The following FBXW9 variants were observed in gnomAD, a reference collection of about 807,000 sequenced individuals.
FBXW9 encodes F-box/WD repeat-containing protein 9.
In FBXW9, 38 loss-of-function variants were observed where a neutral mutation model predicts 55.8. The ratio of observed to expected loss-of-function variants is 0.68; its 90% confidence interval spans 0.53 to 0.89. FBXW9 has a LOEUF of 0.89. Ranked by LOEUF, FBXW9 falls within the 40% of genes least tolerant of loss-of-function variation. The pLI is 0.00. For missense variants in FBXW9, 590 were observed against 619.4 expected (o/e 0.95, Z 0.50); for synonymous variants, 289 against 278.2 (o/e 1.04, Z -0.38).
Position 12,691,470 on chromosome 19 carries a change from A to G in FBXW9, c.679-16T>C. On this transcript the variant is annotated splice_polypyrimidine_tract_variant and intron_variant, in intron 3 of 9. Transcript: ENST00000393261. ...ACACCCAGCCCTGCAGGACAGGAGC[A>G]GCAGTCACACACCTGCCACAGCCCA... 4 of 1,548,516 alleles carry G rather than the reference A, an allele frequency of 2.6e-6. No homozygotes were observed. Among genetic ancestry groups the G allele is most frequent in the Non-Finnish European group, 3.5e-6 (4 of 1,146,914 alleles).
Position 12,689,300 on chromosome 19 carries a change from G to A in FBXW9, c.1303-10C>T. Reference sequence around the variant, plus strand: ...TGCCCTCAGCACAGACCTGGGAAGGGGGAGGAACATGAGGAGTCAGGGACG... The same window carrying A: ...TGCCCTCAGCACAGACCTGGGAAGGAGGAGGAACATGAGGAGTCAGGGACG... On this transcript the variant is annotated splice_polypyrimidine_tract_variant and intron_variant, in intron 9 of 9. Transcript: ENST00000393261. The surrounding 1 kb of genome is among the most constrained non-coding windows in gnomAD (Gnocchi z 5.9). 1 of 1,614,240 alleles carries A rather than the reference G, an allele frequency of 6.2e-7. No individual in the cohort carries two copies.
intron 3 of FBXW9, 131 bp from the exon 4 acceptor site, chr19:12,691,585 C>T (rs1451352724): frequency 1.4e-6 from 1 of 701,864 alleles, no homozygotes; most frequent in Non-Finnish European, 2.4e-6. Context: ...CTCTTCCTCC[C>T]CAGTGCCCAT....
rs553283057 is a variant in FBXW9, at chr19:12,690,450, T to G, written c.884-340A>C. On this transcript the variant is annotated intron_variant, in intron 5 of 9. Coordinates refer to ENST00000393261, the MANE Select transcript of FBXW9 (RefSeq NM_032301.3). ...CCCGCAGCCCCGCTCCAGCTCTGCC[T>G]GGACAAGGTACACTGGCCCTTCAAT... Among the ~76,000 whole-genome samples, 26 of 152,260 alleles carry G rather than the reference T, an allele frequency of 1.7e-4. No homozygotes were observed. In the East Asian group the frequency reaches 5.0e-3, roughly 29 times the overall value.
intron 3 of FBXW9, among the ~76,000 whole-genome samples, chr19:12,692,887 A>C (rs1009866565): frequency 6.6e-6 from 1 of 152,204 alleles, no homozygotes; most frequent in Admixed American, 6.5e-5. Context: ...GTTTGAAGCC[A>C]CATGACAAGT....
In FBXW9 at chr19:12,691,430, G is replaced by A; in HGVS notation, c.703C>T (p.Gln235Ter). ...HEGWVWSLAA[Q>*]DHRVCSGSWD... ...GAGCCGGAGCACACGCGGTGGTCCTGCGCTGCCAGTGACCACACCCAGCCC... is the reference window on the plus strand; with the variant it reads ...GAGCCGGAGCACACGCGGTGGTCCTACGCTGCCAGTGACCACACCCAGCCC... Residue 235 changes from glutamine to a stop codon, truncating the protein, a stop_gained, in exon 4 of 10, where the codon CAG (glutamine) becomes TAG (stop). Transcript: ENST00000393261. LOFTEE classifies it high-confidence loss of function. 1 of 1,589,562 alleles carries A rather than the reference G, an allele frequency of 6.3e-7. No homozygotes were observed. The highest frequency in any genetic ancestry group is 1.1e-5 in the South Asian group (1 of 88,374).
chr19:12,695,465 G>A (rs923012820), intron 1 of FBXW9, among the ~76,000 whole-genome samples: 1 of 152,162 alleles, frequency 6.6e-6, no homozygotes, highest in Non-Finnish European at 1.5e-5. Context: ...GTCTGACCTG[G>A]GGGTTGGATG....
chr19:12,689,971 C>T lies in FBXW9; in HGVS notation c.1023G>A (p.Gln341=). ...VVDRRANSVL[Q]RLQLDSYLLC... ...CCTGGGGAGGGCCCACCTGCAGACG[C>T]TGCAGGACGCTGTTGGCTCGGCGGT... Residue 341 remains glutamine, a synonymous_variant, in exon 6 of 10, where the codon CAG becomes CAA. Transcript: ENST00000393261. The surrounding 1 kb of genome is among the most constrained non-coding windows in gnomAD (Gnocchi z 5.9). The T allele has an allele frequency of 6.2e-7, 1 of 1,614,026 alleles. No individual in the cohort carries two copies. Among genetic ancestry groups the T allele is most frequent in the Non-Finnish European group, 8.5e-7 (1 of 1,180,026 alleles).
Position 12,689,923 on chromosome 19 carries a change from A to G in FBXW9, c.1032+39T>C. 6.2e-7 allele frequency: 1 copy of G among 1,612,436 alleles called. No individual in the cohort carries two copies. Among genetic ancestry groups the G allele is most frequent in the Non-Finnish European group, 8.5e-7 (1 of 1,178,644 alleles). The stretch of plus-strand genomic sequence containing the variant: ...ACAGCTCAGGCCGGGCTGGGCCTGC[A>G]ACAGTCCCCATCCCTCCAGGCCCCT... On this transcript the variant is annotated intron_variant, in intron 6 of 9. Transcript: ENST00000393261. This position sits in a 1 kb window ranked among gnomAD's most constrained non-coding sequence, Gnocchi z 5.9.
At chr19:12,691,654 T>A (rs2025011023) in intron 3 of FBXW9, among the ~76,000 whole-genome samples, 200 bp from the exon 4 acceptor site, 1 of 152,184 alleles carries the variant, frequency 6.6e-6, no homozygotes, top group Admixed American at 6.6e-5. Flanking sequence ...ATCACCCCCA[T>A]TGCATAGATG....
At position 12,694,643 on chromosome 19, in the gene FBXW9, T is replaced by A. The variant is rs755139085; in HGVS notation, c.629A>T (p.Asn210Ile). 1.9e-6 allele frequency: 3 copies of A among 1,614,116 alleles called. No individual in the cohort carries two copies. Among genetic ancestry groups the A allele is most frequent in the Non-Finnish European group, 2.5e-6 (3 of 1,180,054 alleles). ...WDLRQLGTES[N>I]QVLIKTLGTK... ...GCCTAAGGTCTTGATCAGAACCTGGTTGGACTCCGTCCCCAGCTGCCGCAG... is the reference window on the plus strand; with the variant it reads ...GCCTAAGGTCTTGATCAGAACCTGGATGGACTCCGTCCCCAGCTGCCGCAG... Residue 210 changes from asparagine (N) to isoleucine (I), a missense_variant, in exon 3 of 10, where the codon AAC (asparagine) becomes ATC (isoleucine). Transcript: ENST00000393261.
chr19:12,689,851 C>G lies in FBXW9; in HGVS notation c.1056G>C (p.Met352Ile). ...RLQLDSYLLCMSYQEPQLWAG... is the reference protein window; with the variant it reads ...RLQLDSYLLCISYQEPQLWAG... ...CCCAGAGCTGGGGTTCCTGGTAGGACATGCAGAGCAGGTAGGAGTCCAGCT... is the reference window on the plus strand; with the variant it reads ...CCCAGAGCTGGGGTTCCTGGTAGGAGATGCAGAGCAGGTAGGAGTCCAGCT... Residue 352 changes from methionine to isoleucine, a missense_variant, in exon 7 of 10, where the codon ATG (methionine) becomes ATC (isoleucine). Met to Ile is a conservative substitution (Grantham distance 10). Coordinates refer to ENST00000393261, the MANE Select transcript of FBXW9 (RefSeq NM_032301.3). This position sits in a 1 kb window ranked among gnomAD's most constrained non-coding sequence, Gnocchi z 5.9. 6.2e-7 allele frequency: 1 copy of G among 1,614,102 alleles called. No individual in the cohort carries two copies. Among genetic ancestry groups the G allele is most frequent in the Non-Finnish European group, 8.5e-7 (1 of 1,180,010 alleles).
intron 3 of FBXW9, among the ~76,000 whole-genome samples, chr19:12,691,814 G>T (rs1450438895): frequency 6.6e-6 from 1 of 152,050 alleles, no homozygotes; most frequent in Non-Finnish European, 1.5e-5. Flanking sequence ...GGAGTGCAGT[G>T]GCTTGATCTT....
At chr19:12,692,525 C>CTT (rs35134914) in intron 3 of FBXW9, among the ~76,000 whole-genome samples, 13,623 of 128,508 alleles carry the variant, frequency 0.11, 1,965 homozygotes, top group African/African-American at 0.33. Flanking sequence ...TGCATCCGGT[C>CTT]TTTTTTTTTT....
At position 12,691,263 on chromosome 19, in the gene FBXW9, G is replaced by A. The variant is rs772136735; in HGVS notation, c.792-6C>T. On this transcript the variant is annotated splice_polypyrimidine_tract_variant and splice_region_variant and intron_variant, in intron 4 of 9. Coordinates refer to ENST00000393261, the MANE Select transcript of FBXW9 (RefSeq NM_032301.3). ...ACAGCACGGCTGAGCTGGCCCTAGG[G>A]ACACACAGACCACAGGGCTTTGGCT... 6.2e-7 allele frequency: 1 copy of A among 1,614,120 alleles called. No homozygotes were observed. Among genetic ancestry groups the A allele is most frequent in the South Asian group, 1.1e-5 (1 of 91,082 alleles).
At chr19:12,691,549 CAA>C in intron 3 of FBXW9, 95 bp from the exon 4 acceptor site, 1 of 1,028,536 alleles carries the variant, frequency 9.7e-7, no homozygotes, top group African/African-American at 1.6e-5. Context: ...TCAGAGAGGT[CAA>C]GAGACTCACC....
chr19:12,689,011 C>T lies in FBXW9; in HGVS notation c.*205G>A, dbSNP rs1390269717. ...AAAACCAGGGCCCAAGAGTGGGAAG[C>T]GGCCCCCTGGGTGGGCCTGAACCCC... is the stretch of plus-strand genomic sequence containing the variant. On this transcript the variant is annotated 3_prime_UTR_variant, in exon 10 of 10. Transcript: ENST00000393261. This position sits in a 1 kb window ranked among gnomAD's most constrained non-coding sequence, Gnocchi z 5.9. The T allele has an allele frequency of 1.4e-5, 10 of 698,634 alleles. No homozygotes were observed. The highest frequency in any genetic ancestry group is 2.4e-5 in the Non-Finnish European group (9 of 382,586). 43.3% of individuals were successfully genotyped at this position (698,634 alleles called of 1,614,324 possible).
rs777566436 is a variant in FBXW9 at position 12,690,162 on chromosome 19, C to T, written c.884-52G>A. ...GGGATATCAGAGCCCCTCGAAGGCC[C>T]CCCCCAGCCCATGAGAGCATCCCGG... On this transcript the variant is annotated intron_variant, in intron 5 of 9. Transcript: ENST00000393261. 14 of 1,609,200 alleles carry T rather than the reference C, an allele frequency of 8.7e-6. No homozygotes were observed. The African/African-American group carries it at 1.1e-4, about 12-fold the overall frequency.
At position 12,696,531 on chromosome 19, in the gene FBXW9, G is replaced by A; in HGVS notation, c.51C>T (p.Asp17=). 6.2e-7 allele frequency: 1 copy of A among 1,612,638 alleles called. No individual in the cohort carries two copies. The highest frequency in any genetic ancestry group is 1.1e-5 in the South Asian group (1 of 91,078). The change falls in exon 1 of 10, where the codon GAC becomes GAT. Residue 17 remains aspartate (D), a synonymous_variant. Coordinates refer to ENST00000393261, the MANE Select transcript of FBXW9 (RefSeq NM_032301.3). ...RCDDSRTWDD[D]SDPESETDPD... ...GGTCTGTCTCTGACTCTGGGTCCGA[G>A]TCATCGTCCCAGGTGCGGGAATCAT...
rs1404173124 is a variant in FBXW9 at position 12,696,190 on chromosome 19, GGCGCGCGTACGCGGCGTA to G, written c.374_391del (p.Leu125_Ala130del). Reference sequence around the variant, plus strand: ...CCGCGCACCTTCCACCACTGGGTAGGGCGCGCGTACGCGGCGTAGCGCGCGTAGCCTCCAGGTGACATG... The same window carrying G: ...CCGCGCACCTTCCACCACTGGGTAGGGCGCGCGTAGCCTCCAGGTGACATG... On this transcript the variant is annotated inframe_deletion, in exon 1 of 10. Coordinates refer to ENST00000393261, the MANE Select transcript of FBXW9 (RefSeq NM_032301.3). 3.9e-6 allele frequency: 6 copies of G among 1,542,574 alleles called. No individual in the cohort carries two copies. The highest frequency in any genetic ancestry group is 2.0e-5 in the Admixed American group (1 of 50,568).
Sources: allele counts gnomAD v4.1 joint callset (sites outside exome capture counted in the v4.1 genomes callset), GRCh38; gene constraint gnomAD v4.1.1; non-coding constraint Gnocchi (gnomAD v3.1); transcripts MANE v1.5; gene names NCBI Gene and HGNC (gene_info 2026-07-23, HGNC 2026-07-21).